Variants in ARSB observed in about 807,000 individuals in gnomAD.
ARSB encodes the protein N-acetylgalactosamine-4-sulfatase.
In ARSB, 41 loss-of-function variants were observed where a neutral mutation model predicts 50.9. The observed-to-expected ratio is 0.81, with a 90% CI of 0.63 to 1.04. The LOEUF (loss-of-function observed/expected upper bound fraction) is 1.04. Among genes scored for constraint, ARSB ranks in the 50% least tolerant of loss-of-function variants. The pLI is 0.00. For missense variants in ARSB, 672 were observed against 693.3 expected, an observed-to-expected ratio of 0.97 and a Z score of 0.35; for synonymous variants, 269 against 284.8, an observed-to-expected ratio of 0.94 and a Z score of 0.56.
chr5:78,853,834 A>C (rs1473410703), intron 5 of ARSB, among the ~76,000 whole-genome samples: 1 of 152,260 alleles, frequency 6.6e-6, no homozygotes, highest in Non-Finnish European at 1.5e-5. Context: ...GCAATCAGCG[A>C]AACTCTGTGG....
chr5:78,934,113 A>G (rs758529881), intron 4 of ARSB, among the ~76,000 whole-genome samples: 16 of 152,120 alleles, frequency 1.1e-4, no homozygotes, highest in Non-Finnish European at 1.5e-4. Context: ...AAAAAACCCA[A>G]ATGGTCTCTG....
chr5:78,858,712 A>G (rs1746276790), intron 5 of ARSB, among the ~76,000 whole-genome samples: 1 of 152,192 alleles, frequency 6.6e-6, no homozygotes, highest in Non-Finnish European at 1.5e-5. Flanking sequence ...AAAAAAAATA[A>G]CCCCAGTTAC....
intron 6 of ARSB, among the ~76,000 whole-genome samples, chr5:78,808,978 T>C (rs1292046735): frequency 6.6e-6 from 1 of 152,232 alleles, no homozygotes; most frequent in Non-Finnish European, 1.5e-5. Flanking sequence ...AAGATGTTAA[T>C]GAAATCTACA....
intron 5 of ARSB, among the ~76,000 whole-genome samples, chr5:78,879,029 T>C (rs1409671897): frequency 6.6e-6 from 1 of 152,118 alleles, no homozygotes; most frequent in Non-Finnish European, 1.5e-5. Flanking sequence ...AATTTTTGTA[T>C]TTTTTGTAGA....
At chr5:78,901,624 C>T (rs975541062) in intron 4 of ARSB, among the ~76,000 whole-genome samples, 4 of 151,682 alleles carry the variant, frequency 2.6e-5, no homozygotes, top group African/African-American at 4.8e-5. Context: ...CTTGACAAAC[C>T]CTACTTCATA....
chr5:78,936,688 CAG>C (rs923863736), intron 4 of ARSB, among the ~76,000 whole-genome samples: 3 of 152,296 alleles, frequency 2.0e-5, no homozygotes, highest in African/African-American at 7.2e-5. Flanking sequence ...CTCTAGTCAG[CAG>C]AGTCTTGAAG....
At chr5:78,817,374 C>T (rs57597609) in intron 6 of ARSB, among the ~76,000 whole-genome samples, 9,948 of 152,156 alleles carry the variant, frequency 0.065, 428 homozygotes, top group East Asian at 0.11. Flanking sequence ...AGGACCCACT[C>T]GGCTTCAACA....
intron 6 of ARSB, among the ~76,000 whole-genome samples, chr5:78,802,299 T>C (rs1743421541): frequency 2.7e-5 from 4 of 150,758 alleles, no homozygotes; most frequent in Admixed American, 2.6e-4. Flanking sequence ...ATTCATTTAA[T>C]ATATTTAATA....
intron 5 of ARSB, among the ~76,000 whole-genome samples, chr5:78,877,159 G>A (rs1057226801): frequency 1.3e-5 from 2 of 152,092 alleles, no homozygotes; most frequent in South Asian, 4.1e-4. Context: ...CATTCACACA[G>A]AGTTGGGAAC....
chr5:78,787,089 ACCAT>A lies in ARSB; in HGVS notation c.1214-5119_1214-5116del, dbSNP rs57311213. Among the ~76,000 whole-genome samples the A allele has an allele frequency of 2.8e-3, 304 of 107,498 alleles. 2 individuals are homozygous for A. Among genetic ancestry groups the A allele is most frequent in the African/African-American group, 9.6e-3 (286 of 29,906 alleles). 70.5% of individuals were successfully genotyped at this position (107,498 alleles called of 152,430 possible). A position where few individuals can be genotyped will look rare whatever the true frequency, so the allele number is the denominator to read the frequency against. On this transcript the variant is annotated intron_variant, in intron 6 of 7. Transcript: ENST00000264914. ...ATCTATAGTTATTAAAAAATCGATA[ACCAT>A]CTATCTATCTATCTATCTATCTATC...
At chr5:78,828,671 T>G (rs1244108851) in intron 6 of ARSB, among the ~76,000 whole-genome samples, 1 of 152,206 alleles carries the variant, frequency 6.6e-6, no homozygotes, top group Non-Finnish European at 1.5e-5. Context: ...TCCAACTAGG[T>G]TATAAGCGAC....
chr5:78,976,340 G>A (rs547986381), intron 1 of ARSB, among the ~76,000 whole-genome samples: 50 of 126,964 alleles, frequency 3.9e-4, no homozygotes, highest in Non-Finnish European at 7.5e-4. Context: ...GGACTGGAGT[G>A]CAGTGGCACC....
In ARSB at chr5:78,822,420, T is replaced by C. The variant is rs114173364; in HGVS notation, c.1213+16936A>G. Among the ~76,000 whole-genome samples the C allele has an allele frequency of 6.3e-3, 961 of 152,238 alleles. 13 individuals are homozygous for C. Among genetic ancestry groups the C allele is most frequent in the African/African-American group, 0.022 (913 of 41,538 alleles). ...AGTCCCTGAACAGAGATTTTGACAC[T>C]CTTGGTGGTTGGGAGGTTTAGGCCC... On this transcript the variant is annotated intron_variant, in intron 6 of 7. Transcript: ENST00000264914.
chr5:78,973,542 G>T (rs1438092671), intron 1 of ARSB, among the ~76,000 whole-genome samples: 1 of 152,140 alleles, frequency 6.6e-6, no homozygotes, highest in Admixed American at 6.5e-5. Flanking sequence ...GCACACCTAG[G>T]AGTTCCTTGC....
rs758055045 is a variant in ARSB, at chr5:78,885,566, A to C, written c.1142+18T>G. ...TGGAGTTTCTGTCCTGGGAGGAAAA[A>C]GGGCAGGGTGTAGGTACCTGATGGT... On this transcript the variant is annotated intron_variant, in intron 5 of 7. Coordinates refer to ENST00000264914, the MANE Select transcript of ARSB (RefSeq NM_000046.5). The C allele has an allele frequency of 3.7e-6, 6 of 1,611,260 alleles. No individual in the cohort carries two copies. In the African/African-American group the frequency reaches 8.0e-5, roughly 22 times the overall value.
chr5:78,831,264 A>G (rs1744670615), intron 6 of ARSB, among the ~76,000 whole-genome samples: 1 of 151,986 alleles, frequency 6.6e-6, no homozygotes. Context: ...AATAAAACCC[A>G]GGGCTTTCTG....
At chr5:78,829,411 T>C (rs1243290418) in intron 6 of ARSB, among the ~76,000 whole-genome samples, 2 of 152,234 alleles carry the variant, frequency 1.3e-5, no homozygotes, top group African/African-American at 4.8e-5. Context: ...TCCTAATCAC[T>C]CCCAAATGCT....
chr5:78,839,772 T>C (rs1250280680), intron 5 of ARSB, among the ~76,000 whole-genome samples: 1 of 152,250 alleles, frequency 6.6e-6, no homozygotes, highest in East Asian at 1.9e-4. Context: ...GACTTCATAC[T>C]GAACACTTAC....
intron 4 of ARSB, among the ~76,000 whole-genome samples, chr5:78,921,333 G>T (rs1749804143): frequency 6.6e-6 from 1 of 152,074 alleles, no homozygotes; most frequent in Non-Finnish European, 1.5e-5. Flanking sequence ...TCTGAATTGA[G>T]GTGTTCTGTA....
Sources: allele counts gnomAD v4.1 joint callset (sites outside exome capture counted in the v4.1 genomes callset), GRCh38; gene constraint gnomAD v4.1.1; transcripts MANE v1.5; gene names NCBI Gene and HGNC (gene_info 2026-07-23, HGNC 2026-07-21).